Variants in MLIP observed in about 807,000 individuals in gnomAD.
MLIP encodes muscular LMNA interacting protein.
In MLIP, 79 loss-of-function variants were observed where a neutral mutation model predicts 84.8. The ratio of observed to expected loss-of-function variants is 0.93; its 90% CI spans 0.78 to 1.12. The LOEUF (loss-of-function observed/expected upper bound fraction) is 1.12, where lower values mean the gene tolerates loss of function less well. Ranked by LOEUF, MLIP falls within the 50% of genes most tolerant of loss-of-function variation. The pLI, the probability that MLIP is intolerant of heterozygous loss-of-function variation, is 0.00. For synonymous variants in MLIP, 504 were observed against 463.0 expected, an observed-to-expected ratio of 1.09 and a Z score of -1.14; for missense variants, 1,257 against 1,160.6, an observed-to-expected ratio of 1.08 and a Z score of -1.21.
At chr6:54,180,888 C>T (rs1218719655) in intron 9 of MLIP, among the ~76,000 whole-genome samples, 4 of 152,058 alleles carry the variant, frequency 2.6e-5, no homozygotes, top group Admixed American at 1.3e-4. Flanking sequence ...TCTGGATGAT[C>T]TTGATGCTTG....
At chr6:54,129,486 C>T (rs978877395) in intron 3 of MLIP, among the ~76,000 whole-genome samples, 1 of 152,154 alleles carries the variant, frequency 6.6e-6, no homozygotes, top group African/African-American at 2.4e-5. Context: ...ATTACCTAAA[C>T]CCTCTTAGTG....
intron 11 of MLIP, among the ~76,000 whole-genome samples, chr6:54,223,054 C>T (rs143506978): frequency 2.5e-4 from 38 of 151,814 alleles, no homozygotes; most frequent in Non-Finnish European, 3.7e-4. Flanking sequence ...AGGTCCCTTG[C>T]CCATTTTTTA....
At chr6:54,098,567 G>A (rs967827567) in intron 1 of MLIP, among the ~76,000 whole-genome samples, 2 of 151,822 alleles carry the variant, frequency 1.3e-5, no homozygotes, top group Non-Finnish European at 2.9e-5. Context: ...GAAGATGAAA[G>A]GGACAAACAA....
At chr6:54,179,646 T>C (rs2150630659) in intron 9 of MLIP, among the ~76,000 whole-genome samples, 1 of 152,260 alleles carries the variant, frequency 6.6e-6, no homozygotes, top group East Asian at 1.9e-4. Flanking sequence ...ATGACAACAC[T>C]TGACACTAAT....
At chr6:54,228,519 C>T (rs1427643845) in intron 11 of MLIP, among the ~76,000 whole-genome samples, 1 of 152,200 alleles carries the variant, frequency 6.6e-6, no homozygotes, top group Non-Finnish European at 1.5e-5. Context: ...AGGACAACAC[C>T]TGATCCTACA....
intron 12 of MLIP, among the ~76,000 whole-genome samples, chr6:54,234,465 C>T (rs1337175480): frequency 6.6e-6 from 1 of 152,080 alleles, no homozygotes; most frequent in Non-Finnish European, 1.5e-5. Context: ...TGGATTCCTC[C>T]CCTTTGTATG....
At chr6:54,172,682 C>T (rs1775887532) in intron 9 of MLIP, among the ~76,000 whole-genome samples, 1 of 150,286 alleles carries the variant, frequency 6.7e-6, no homozygotes, top group South Asian at 2.1e-4. Flanking sequence ...CTTTATAGGC[C>T]TTTGTTGAAA....
At chr6:54,265,575 A>C (rs1783639130) in intron 13 of MLIP, among the ~76,000 whole-genome samples, 1 of 152,148 alleles carries the variant, frequency 6.6e-6, no homozygotes, top group Admixed American at 6.6e-5. Context: ...TGGTGCAGTC[A>C]ATGCTAAAGT....
chr6:54,114,965 C>T (rs924650620), intron 1 of MLIP, among the ~76,000 whole-genome samples: 6 of 152,098 alleles, frequency 3.9e-5, no homozygotes, highest in South Asian at 2.1e-4. Context: ...TGATTGCTTC[C>T]GTTACCTTAA....
In MLIP at chr6:54,124,682, C is replaced by T. The variant is rs1465174634; in HGVS notation, c.462C>T (p.Ser154=). The change falls in exon 3 of 14, where the codon AGC becomes AGT. Residue 154 remains serine (S), a synonymous_variant. Coordinates refer to ENST00000502396, the MANE Select transcript of MLIP (RefSeq NM_001281747.2). ...VDSEGEDEAA[S]RKVEQGPPGG... ...CCGAAGGGGAAGATGAGGCTGCAAGCAGAAAAGTTGAACAAGGCCCCCCAG... is the reference window on the plus strand; with the variant it reads ...CCGAAGGGGAAGATGAGGCTGCAAGTAGAAAAGTTGAACAAGGCCCCCCAG... The T allele has an allele frequency of 1.9e-6, 3 of 1,614,054 alleles. No homozygotes were observed. The highest frequency in any genetic ancestry group is 1.1e-5 in the South Asian group (1 of 91,082).
At chr6:54,145,812 G>GAAAAAA (rs1173215670) in intron 4 of MLIP, among the ~76,000 whole-genome samples, 2 of 117,384 alleles carry the variant, frequency 1.7e-5, no homozygotes, top group African/African-American at 6.5e-5. Flanking sequence ...AAAAGAAAAA[G>GAAAAAA]AAAGAGAAAA....
At chr6:54,211,946 T>C (rs1023468705) in intron 11 of MLIP, among the ~76,000 whole-genome samples, 1 of 152,196 alleles carries the variant, frequency 6.6e-6, no homozygotes, top group African/African-American at 2.4e-5. Flanking sequence ...GTGTTCTTAG[T>C]TCTTTAGGGA....
intron 3 of MLIP, among the ~76,000 whole-genome samples, chr6:54,134,821 T>A (rs908550164): frequency 7.2e-5 from 11 of 152,086 alleles, no homozygotes; most frequent in Admixed American, 6.6e-4. Context: ...TAATGAGAGT[T>A]TTGTGACTGC....
chr6:54,058,139 A>G (rs1349621018), intron 1 of MLIP: 1 of 12,560 alleles, frequency 8.0e-5, no homozygotes, highest in Non-Finnish European at 2.0e-4. Context: ...TGTATATTTT[A>G]GGGGGAATAG....
At position 54,230,814 on chromosome 6, in the gene MLIP, A is replaced by G. The variant is rs750256300; in HGVS notation, c.2819A>G (p.His940Arg). ...CTGCTGCATCCACAGACCCTCTCAC[A>G]TGCTGACTGTCTTGCCCCAGGACCC... Reference protein sequence around the residue: ...KSLLHPQTLSHADCLAPGPFS... With the variant: ...KSLLHPQTLSRADCLAPGPFS... Residue 940 changes from histidine to arginine, a missense_variant, in exon 12 of 14, where the codon CAT (histidine) becomes CGT (arginine). By Grantham distance (29) the His-to-Arg change is conservative. Coordinates refer to ENST00000502396, the MANE Select transcript of MLIP (RefSeq NM_001281747.2). 3.1e-6 allele frequency: 5 copies of G among 1,613,978 alleles called. No homozygotes were observed. The highest frequency in any genetic ancestry group is 1.7e-5 in the Admixed American group (1 of 59,980).
chr6:54,252,348 A>G (rs1459531090), intron 12 of MLIP, among the ~76,000 whole-genome samples: 3 of 119,214 alleles, frequency 2.5e-5, no homozygotes, highest in African/African-American at 7.4e-5. Flanking sequence ...ATATAATATA[A>G]CTATAATATA....
intron 13 of MLIP, among the ~76,000 whole-genome samples, chr6:54,257,795 C>T (rs183987588): frequency 1.3e-5 from 2 of 152,130 alleles, no homozygotes; most frequent in South Asian, 2.1e-4. Context: ...TCACTGAGCA[C>T]CCCCAACCCC....
At chr6:54,081,426 A>G (rs938649995) in intron 1 of MLIP, among the ~76,000 whole-genome samples, 3 of 151,958 alleles carry the variant, frequency 2.0e-5, no homozygotes, top group African/African-American at 7.3e-5. Flanking sequence ...TTGTTATTTG[A>G]GACAGAGTTT....
rs925878502 is a variant in MLIP at position 54,137,352 on chromosome 6, A to G, written c.1283A>G (p.Gln428Arg). 12 of 1,535,606 alleles carry G rather than the reference A, an allele frequency of 7.8e-6. No homozygotes were observed. The African/African-American group carries it at 1.2e-4, about 16-fold the overall frequency. Residue 428 changes from glutamine to arginine, a missense_variant, in exon 4 of 14, where the codon CAA becomes CGA. Gln to Arg is a conservative substitution (Grantham distance 43). Coordinates refer to ENST00000502396, the MANE Select transcript of MLIP (RefSeq NM_001281747.2). ...TAILKSNPSHQRPFSPASCPT... is the reference protein window; with the variant it reads ...TAILKSNPSHRRPFSPASCPT... ...ATTCTCAAGTCAAACCCTTCCCACCAAAGACCCTTTTCCCCTGCATCCTGT... is the reference window on the plus strand; with the variant it reads ...ATTCTCAAGTCAAACCCTTCCCACCGAAGACCCTTTTCCCCTGCATCCTGT...
Sources: allele counts gnomAD v4.1 joint callset (sites outside exome capture counted in the v4.1 genomes callset), GRCh38; gene constraint gnomAD v4.1.1; transcripts MANE v1.5; gene names NCBI Gene and HGNC (gene_info 2026-07-23, HGNC 2026-07-21).